KHDRBS2: variants seen among roughly 807,000 people sequenced by gnomAD.
KHDRBS2 encodes KH RNA binding domain containing, signal transduction associated 2.
Under a neutral mutation model 44.3 loss-of-function variants are expected in KHDRBS2, and 26 were observed. That is an observed-to-expected ratio of 0.59 (90% CI 0.43 to 0.81). The LOEUF is 0.81. Ranked by LOEUF, KHDRBS2 falls within the 40% of genes least tolerant of loss-of-function variation. KHDRBS2 has a pLI of 0.00. For synonymous variants in KHDRBS2, 194 were observed against 151.1 expected, an observed-to-expected ratio of 1.28 and a Z score of -2.08; for missense variants, 476 against 433.1, an observed-to-expected ratio of 1.10 and a Z score of -0.88.
chr6:61,706,341 A>G (rs570741958), intron 7 of KHDRBS2, among the ~76,000 whole-genome samples: 1 of 151,868 alleles, frequency 6.6e-6, no homozygotes, highest in Non-Finnish European at 1.5e-5. Context: ...CTGTCTGACT[A>G]TATTTAAGAA....
At chr6:61,560,151 C>T in the KHDRBS2 span, among the ~76,000 whole-genome samples, 1 of 152,096 alleles carries the variant, frequency 6.6e-6, no homozygotes, top group Admixed American at 6.6e-5. Flanking sequence ...CTGAAAATTC[C>T]CACTGAAAAG....
At chr6:62,134,715 C>T (rs1345858403) in intron 2 of KHDRBS2, among the ~76,000 whole-genome samples, 2 of 152,198 alleles carry the variant, frequency 1.3e-5, no homozygotes, top group African/African-American at 2.4e-5. Flanking sequence ...TAGGAACCCA[C>T]CTCTTGCATC....
intron 2 of KHDRBS2, among the ~76,000 whole-genome samples, chr6:62,098,244 G>A (rs1339966536): frequency 7.8e-6 from 1 of 127,848 alleles, no homozygotes; most frequent in Non-Finnish European, 1.7e-5. Context: ...AGCTTCAAAC[G>A]TTTTTTTTTT....
the KHDRBS2 span, among the ~76,000 whole-genome samples, chr6:61,672,323 T>C: frequency 6.6e-6 from 1 of 152,068 alleles, no homozygotes; most frequent in African/African-American, 2.4e-5. Flanking sequence ...CATGTGTCTT[T>C]ATAGCAGCAT....
chr6:62,246,489 T>G (rs978184283), intron 1 of KHDRBS2, among the ~76,000 whole-genome samples: 1 of 152,114 alleles, frequency 6.6e-6, no homozygotes, highest in African/African-American at 2.4e-5. Context: ...AACCCAATTC[T>G]GTTCTTGTTC....
chr6:62,044,851 GGCCT>G (rs1397482827), intron 3 of KHDRBS2, among the ~76,000 whole-genome samples: 1 of 152,094 alleles, frequency 6.6e-6, no homozygotes, highest in African/African-American at 2.4e-5. Flanking sequence ...GATTCTGAGA[GGCCT>G]GCCTAAGTTT....
At chr6:61,558,040 A>G in the KHDRBS2 span, among the ~76,000 whole-genome samples, 20 of 152,194 alleles carry the variant, frequency 1.3e-4, no homozygotes, top group African/African-American at 4.8e-4. Flanking sequence ...AGTCTGGCTA[A>G]AGAGTTATCA....
intron 6 of KHDRBS2, among the ~76,000 whole-genome samples, chr6:61,859,865 T>C (rs1796668493): frequency 6.6e-6 from 1 of 151,934 alleles, no homozygotes; most frequent in African/African-American, 2.4e-5. Context: ...GCTGAAGATA[T>C]AATAATTATA....
intron 4 of KHDRBS2, among the ~76,000 whole-genome samples, chr6:61,957,903 C>T (rs988621558): frequency 2.6e-5 from 4 of 151,916 alleles, no homozygotes; most frequent in Non-Finnish European, 5.9e-5. Context: ...GTGATGTTTC[C>T]CCGGACACCC....
Position 61,991,493 on chromosome 6 carries a change from C to G in KHDRBS2, c.337-13281G>C, listed in dbSNP as rs979094276. On this transcript the variant is annotated intron_variant, in intron 3 of 8. Coordinates refer to ENST00000281156, the MANE Select transcript of KHDRBS2 (RefSeq NM_152688.4). ...GAAAGATGGGTTGAAAAGAAACCTA[C>G]GAAACCAATTAAGAAATGAAGTGAG... Among the ~76,000 whole-genome samples, 6 of 152,172 alleles carry G rather than the reference C, an allele frequency of 3.9e-5. No homozygotes were observed. In the East Asian group the frequency reaches 5.8e-4, roughly 15 times the overall value.
chr6:61,636,941 T>C, the KHDRBS2 span, among the ~76,000 whole-genome samples: 18 of 152,074 alleles, frequency 1.2e-4, no homozygotes, highest in Non-Finnish European at 2.1e-4. Context: ...CTATGTGACA[T>C]AGAATATCTA....
At chr6:61,974,847 CT>C (rs1772192980) in intron 4 of KHDRBS2, among the ~76,000 whole-genome samples, 1 of 151,908 alleles carries the variant, frequency 6.6e-6, no homozygotes, top group South Asian at 2.1e-4. Flanking sequence ...AGGAGAATCG[CT>C]TGAACCCAGG....
At chr6:62,104,723 C>G (rs1301407907) in intron 2 of KHDRBS2, among the ~76,000 whole-genome samples, 1 of 150,646 alleles carries the variant, frequency 6.6e-6, no homozygotes, top group Admixed American at 6.6e-5. Context: ...CCTCAGGTTA[C>G]AAATTAAGAA....
At chr6:61,590,054 G>T in the KHDRBS2 span, among the ~76,000 whole-genome samples, 9 of 152,210 alleles carry the variant, frequency 5.9e-5, no homozygotes, top group Admixed American at 2.0e-4. Flanking sequence ...AAAAAAAATA[G>T]CAGCCAAATA....
chr6:61,623,300 C>T, the KHDRBS2 span, among the ~76,000 whole-genome samples: 4 of 152,134 alleles, frequency 2.6e-5, no homozygotes, highest in African/African-American at 9.7e-5. Flanking sequence ...GTAAAGGTTC[C>T]TCCAGTTCTG....
chr6:61,604,351 T>A, the KHDRBS2 span, among the ~76,000 whole-genome samples: 1 of 152,142 alleles, frequency 6.6e-6, no homozygotes, highest in Non-Finnish European at 1.5e-5. Context: ...GAAAAGCAAC[T>A]AGTATTCCAA....
the KHDRBS2 span, among the ~76,000 whole-genome samples, chr6:61,565,519 C>A: frequency 1.3e-3 from 192 of 152,154 alleles, no homozygotes; most frequent in Non-Finnish European, 1.4e-3. Flanking sequence ...TAAATAGATG[C>A]TTTTCAAAAG....
At chr6:62,170,323 C>T (rs1324623671) in intron 2 of KHDRBS2, among the ~76,000 whole-genome samples, 1 of 152,096 alleles carries the variant, frequency 6.6e-6, no homozygotes, top group African/African-American at 2.4e-5. Flanking sequence ...CTATGGACCA[C>T]TGCCGCTACC....
In KHDRBS2 at chr6:62,136,993, C is replaced by CTTTTTTTTTTT. The variant is rs141092447; in HGVS notation, c.219+40181_219+40191dup. Among the ~76,000 whole-genome samples, 29 of 78,304 alleles carry CTTTTTTTTTTT rather than the reference C, an allele frequency of 3.7e-4. 1 individual carries two copies. The highest frequency in any genetic ancestry group is 8.3e-4 in the East Asian group (2 of 2,400). The allele number at this position is 78,304 out of a possible 152,430, so 51.4% of individuals were successfully genotyped here. Reference sequence around the variant, plus strand: ...ACTGACTTTCAGCTTTCTTTCTTTTCTTTTTTTTTTTTTTTTTTTTTTTTT... The same window carrying CTTTTTTTTTTT: ...ACTGACTTTCAGCTTTCTTTCTTTTCTTTTTTTTTTTTTTTTTTTTTTTTTTTTTTTTTTTT... On this transcript the variant is annotated intron_variant, in intron 2 of 8. Coordinates refer to ENST00000281156, the MANE Select transcript of KHDRBS2 (RefSeq NM_152688.4).
Sources: gnomAD v4.1 joint callset for allele counts (sites outside exome capture counted in the v4.1 genomes callset) on GRCh38, gnomAD v4.1.1 for gene constraint, MANE v1.5 for transcripts, NCBI Gene and HGNC (gene_info 2026-07-23, HGNC 2026-07-21) for gene names.